EMC1: variants seen among roughly 807,000 people sequenced by gnomAD.
EMC1 encodes KIAA0090.
In EMC1, 103 loss-of-function variants were observed where a neutral mutation model predicts 128.8. The ratio of observed to expected loss-of-function variants is 0.80; its 90% CI spans 0.68 to 0.94. The LOEUF (loss-of-function observed/expected upper bound fraction) is 0.94, where lower values mean the gene tolerates loss of function less well. Ranked by LOEUF, EMC1 falls within the 40% of genes least tolerant of loss-of-function variation. The pLI is 0.00. For synonymous variants in EMC1, 442 were observed against 490.4 expected (o/e 0.90, Z 1.30); for missense variants, 1,083 against 1,250.6 (o/e 0.87, Z 2.02).
At chr1:19,235,515 A>G (rs1434369420) in intron 12 of EMC1, among the ~76,000 whole-genome samples, 1 of 152,186 alleles carries the variant, frequency 6.6e-6, no homozygotes, top group African/African-American at 2.4e-5. Flanking sequence ...ATCCTGGCTA[A>G]CATGGTGAAA....
At chr1:19,230,175 G>A (rs551114516) in intron 17 of EMC1, among the ~76,000 whole-genome samples, 3 of 152,018 alleles carry the variant, frequency 2.0e-5, no homozygotes, top group African/African-American at 4.8e-5. Flanking sequence ...ATCACGAGTT[G>A]GTCAACATCA....
chr1:19,224,351 T>A (rs1219712880), intron 18 of EMC1, among the ~76,000 whole-genome samples: 2 of 152,186 alleles, frequency 1.3e-5, no homozygotes, highest in Non-Finnish European at 2.9e-5. Context: ...ATTATCTCAG[T>A]ATCTTTTCTC....
chr1:19,241,381 G>C (rs2093604643), intron 5 of EMC1, among the ~76,000 whole-genome samples: 1 of 145,938 alleles, frequency 6.9e-6, no homozygotes, highest in Admixed American at 7.3e-5. Flanking sequence ...TAGAAGATGT[G>C]GCAACACTAG....
chr1:19,243,791 T>G, intron 3 of EMC1, 84 bp from the exon 4 acceptor site: 2 of 1,483,048 alleles, frequency 1.3e-6, no homozygotes, highest in Non-Finnish European at 1.9e-6. Flanking sequence ...TGGCCTCACC[T>G]CTGATTTCTG....
intron 17 of EMC1, 113 bp downstream of exon 17, chr1:19,230,731 A>T: frequency 7.5e-7 from 1 of 1,341,340 alleles, no homozygotes; most frequent in Admixed American, 2.0e-5. Flanking sequence ...CATCAGGATT[A>T]TGCTAATCTA....
Position 19,233,128 on chromosome 1 carries a change from C to G in EMC1, c.1440G>C (p.Leu480Phe). The G allele has an allele frequency of 6.2e-7, 1 of 1,613,744 alleles. No individual in the cohort carries two copies. The highest frequency in any genetic ancestry group is 8.5e-7 in the Non-Finnish European group (1 of 1,179,782). Reference protein sequence around the residue: ...EGEFGKKADGLLGMFLKRLSS... With the variant: ...EGEFGKKADGFLGMFLKRLSS... Reference sequence around the variant, plus strand: ...AGAGGCGTTTCAGGAACATCCCCAGCAAGCCATCTGGTGTAAAGGAAAAGT... The same window carrying G: ...AGAGGCGTTTCAGGAACATCCCCAGGAAGCCATCTGGTGTAAAGGAAAAGT... The change falls in exon 14 of 23, where the codon TTG becomes TTC. Residue 480 changes from leucine (L) to phenylalanine (F), a missense_variant. Physicochemically the swap from Leu to Phe is conservative, Grantham distance 22 (BLOSUM62 0). Around this residue, in one of 3 missense-constraint regions of EMC1, gnomAD observed 12 missense variants for 34.2 expected, o/e 0.35. Transcript: ENST00000477853.
At chr1:19,250,713 G>A (rs1209710370) in intron 1 of EMC1, among the ~76,000 whole-genome samples, 1 of 152,206 alleles carries the variant, frequency 6.6e-6, no homozygotes, top group African/African-American at 2.4e-5. Flanking sequence ...ATTCTCACAA[G>A]TACTGTAAGA....
At chr1:19,233,219 G>T in intron 13 of EMC1, 84 bp from the exon 14 acceptor site, 2 of 1,212,596 alleles carry the variant, frequency 1.6e-6, no homozygotes, top group Non-Finnish European at 2.4e-6. Context: ...AGGGATCTCT[G>T]CCTCTCCTCT....
rs942233294 is a variant in EMC1, at chr1:19,239,244, C to A, written c.1013G>T (p.Cys338Phe). The A allele has an allele frequency of 3.7e-6, 6 of 1,614,050 alleles. No homozygotes were observed. The highest frequency in any genetic ancestry group is 1.7e-5 in the Admixed American group (1 of 60,022). ...GEKTVAAVMACRNEVQKSSSS... is the reference protein window; with the variant it reads ...GEKTVAAVMAFRNEVQKSSSS... ...CTCAATACTCACCACTTCATTCCGACAGGCCATGACTGCAGCCACCGTCTT... is the reference window on the plus strand; with the variant it reads ...CTCAATACTCACCACTTCATTCCGAAAGGCCATGACTGCAGCCACCGTCTT... Residue 338 changes from cysteine (C) to phenylalanine (F), a missense_variant, in exon 9 of 23, where the codon TGT becomes TTT. Transcript: ENST00000477853.
chr1:19,219,420 A>T lies in EMC1; in HGVS notation c.2865T>A (p.Val955=), dbSNP rs2093414034. The T allele has an allele frequency of 6.2e-7, 1 of 1,614,010 alleles. No individual in the cohort carries two copies. The highest frequency in any genetic ancestry group is 2.2e-5 in the East Asian group (1 of 44,856). Residue 955 remains valine, a synonymous_variant, in exon 23 of 23, where the codon GTT becomes GTA. Transcript: ENST00000477853. Reference sequence around the variant, plus strand: ...ACACGTAGTCATAGTCATCCTTCAGAACGTCAAACTGCTTGGATGGGTAGA... The same window carrying T: ...ACACGTAGTCATAGTCATCCTTCAGTACGTCAAACTGCTTGGATGGGTAGA... ...TRVYPSKQFD[V]LKDDYDYVLI...
At chr1:19,249,666 T>C (rs1373340600) in intron 1 of EMC1, among the ~76,000 whole-genome samples, 1 of 152,214 alleles carries the variant, frequency 6.6e-6, no homozygotes, top group African/African-American at 2.4e-5. Context: ...GGCTCACACC[T>C]GTAATCCCAG....
At chr1:19,238,267 A>C (rs1473820474) in intron 10 of EMC1, 128 bp from the exon 11 acceptor site, 21 of 1,050,354 alleles carry the variant, frequency 2.0e-5, no homozygotes, top group Non-Finnish European at 2.2e-5. Flanking sequence ...ATATATGCAA[A>C]GGAGAATAAA....
chr1:19,234,395 T>C (rs1302744737), intron 13 of EMC1, among the ~76,000 whole-genome samples: 2 of 152,152 alleles, frequency 1.3e-5, no homozygotes, highest in Non-Finnish European at 2.9e-5. Flanking sequence ...GTTGGGACCA[T>C]GGCCAGCTTT....
chr1:19,237,093 T>C (rs375734436), intron 12 of EMC1, 49 bp downstream of exon 12: 33 of 1,340,590 alleles, frequency 2.5e-5, no homozygotes, highest in African/African-American at 2.0e-4. Context: ...TTGGAACACA[T>C]TGGAAGGCCT....
chr1:19,237,259 C>T (rs774120615), intron 11 of EMC1, 21 bp from the exon 12 acceptor site: 17 of 1,582,244 alleles, frequency 1.1e-5, no homozygotes, highest in Middle Eastern at 1.7e-4. Flanking sequence ...CAGTCAAGAC[C>T]GGTGTAGTCA....
At position 19,221,004 on chromosome 1, in the gene EMC1, C is replaced by G. The variant is rs923013554; in HGVS notation, c.2588-156G>C. 7.5e-6 allele frequency: 4 copies of G among 535,138 alleles called. No homozygotes were observed. The East Asian group carries it at 1.2e-4, about 16-fold the overall frequency. 33.1% of individuals were successfully genotyped at this position (535,138 alleles called of 1,614,324 possible). A position where few individuals can be genotyped will look rare whatever the true frequency, so the allele number is the denominator to read the frequency against. On this transcript the variant is annotated intron_variant, in intron 20 of 22. Coordinates refer to ENST00000477853, the MANE Select transcript of EMC1 (RefSeq NM_015047.3). The stretch of plus-strand genomic sequence containing the variant: ...AGCCAAAAATAATAATCCAATGATA[C>G]GCATGGGTCTGAATGAAGGTTCTCA...
intron 18 of EMC1, among the ~76,000 whole-genome samples, chr1:19,226,259 G>C (rs1374558622): frequency 6.6e-6 from 1 of 152,128 alleles, no homozygotes; most frequent in Non-Finnish European, 1.5e-5. Context: ...GGATCACAGA[G>C]ATGGAGTTTC....
intron 21 of EMC1, chr1:19,220,199 G>A (rs939212132): frequency 6.8e-5 from 11 of 162,908 alleles, no homozygotes; most frequent in African/African-American, 1.2e-4. Context: ...AAGAAAACCC[G>A]ACAAGATGGT....
chr1:19,241,291 T>A lies in EMC1; in HGVS notation c.510-149A>T, dbSNP rs710868. The A allele has an allele frequency of 0.015, 12,183 of 833,032 alleles. 901 individuals carry two copies. In the African/African-American group the frequency reaches 0.17, roughly 11 times the overall value. The allele number at this position is 833,032 out of a possible 1,614,324, so 51.6% of individuals were successfully genotyped here. On this transcript the variant is annotated intron_variant, in intron 5 of 22. Coordinates refer to ENST00000477853, the MANE Select transcript of EMC1 (RefSeq NM_015047.3). The stretch of plus-strand genomic sequence containing the variant: ...CACACAGTTTGGGGGCTTTTGTTGT[T>A]GTTGTTCTTAATTTGAATTAGTTGT...
Sources: gnomAD v4.1 joint callset for allele counts (sites outside exome capture counted in the v4.1 genomes callset) on GRCh38, gnomAD v4.1.1 for gene constraint, gnomAD v4.1.1 regional missense constraint, MANE v1.5 for transcripts, NCBI Gene and HGNC (gene_info 2026-07-23, HGNC 2026-07-21) for gene names.